Variants in GOLT1A observed in about 807,000 individuals in gnomAD.
GOLT1A encodes vesicle transport protein GOT1A.
GOLT1A carries 10 observed loss-of-function variants against 16.1 expected under a neutral mutation model. The ratio of observed to expected loss-of-function variants is 0.62; its 90% CI spans 0.38 to 1.05. The LOEUF (loss-of-function observed/expected upper bound fraction) is 1.05. Ranked by LOEUF, GOLT1A falls within the 50% of genes least tolerant of loss-of-function variation. GOLT1A has a pLI of 0.01. For synonymous variants in GOLT1A, 60 were observed against 67.9 expected (o/e 0.88, Z 0.57); for missense variants, 137 against 165.7 (o/e 0.83, Z 0.95).
At chr1:204,210,777 TTCTAGTCCATGCC>T (rs1464699993) in intron 1 of GOLT1A, among the ~76,000 whole-genome samples, 1 of 152,198 alleles carries the variant, frequency 6.6e-6, no homozygotes, top group Non-Finnish European at 1.5e-5. Flanking sequence ...ATGTCTCTCT[TTCTAGTCCATGCC>T]TCTCTTTGGG....
At position 204,198,491 on chromosome 1, in the gene GOLT1A, G is replaced by A. The variant is rs1557983984; in HGVS notation, c.366C>T (p.Phe122=). Residue 122 remains phenylalanine (F), a synonymous_variant, in exon 5 of 5, where the codon TTC becomes TTT. Transcript: ENST00000308302. ...TCGAGCTAGTGCCTTGAAGTCTCCG[G>A]AACAGCTGTGGGAGCCAAGAATCAT... The part of the protein sequence containing the change: ...VCNIPFLGAL[F]RRLQGTSSMV 6 of 1,613,132 alleles carry A rather than the reference G, an allele frequency of 3.7e-6. No homozygotes were observed. Among genetic ancestry groups the A allele is most frequent in the Non-Finnish European group, 5.1e-6 (6 of 1,179,672 alleles).
chr1:204,199,177 C>T lies in GOLT1A; in HGVS notation c.360+18G>A, dbSNP rs1323680529. ...TCCCCAGGGTACGCCCGCAGGGCTG[C>T]AGGCATCATCTGCTTACCGCACCCA... is the stretch of plus-strand genomic sequence containing the variant. On this transcript the variant is annotated intron_variant, in intron 4 of 4. Coordinates refer to ENST00000308302, the MANE Select transcript of GOLT1A (RefSeq NM_198447.2). 6.3e-7 allele frequency: 1 copy of T among 1,580,244 alleles called. No individual in the cohort carries two copies. Among genetic ancestry groups the T allele is most frequent in the Non-Finnish European group, 8.6e-7 (1 of 1,162,808 alleles).
intron 4 of GOLT1A, 126 bp from the exon 5 acceptor site, chr1:204,198,622 G>T (rs1658901436): frequency 3.7e-6 from 3 of 811,416 alleles, no homozygotes; most frequent in Non-Finnish European, 5.9e-6. Flanking sequence ...GGCTGTAGGG[G>T]CTGTGTCCAG....
At chr1:204,213,007 T>A (rs1296425194) in intron 1 of GOLT1A, among the ~76,000 whole-genome samples, 3 of 152,060 alleles carry the variant, frequency 2.0e-5, no homozygotes, top group African/African-American at 7.2e-5. Flanking sequence ...TTCCTATAGA[T>A]CTCTGAAAAA....
intron 2 of GOLT1A, 147 bp downstream of exon 2, chr1:204,202,749 A>G: frequency 1.5e-6 from 1 of 648,660 alleles, no homozygotes. Flanking sequence ...CTGGATAGGC[A>G]TGGTCTGAAT....
rs538188347 is a variant in GOLT1A at position 204,213,749 on chromosome 1, C to A, written c.25+133G>T. On this transcript the variant is annotated intron_variant, in intron 1 of 4. Coordinates refer to ENST00000308302, the MANE Select transcript of GOLT1A (RefSeq NM_198447.2). ...CCACCCTGCCTGCTGCCCCAGGGTG[C>A]CAGCACAGCATCTCCCAGCCCCTGG... 2.3e-5 allele frequency: 23 copies of A among 1,017,030 alleles called. No individual in the cohort carries two copies. The African/African-American group carries it at 2.7e-4, about 12-fold the overall frequency. The allele number at this position is 1,017,030 out of a possible 1,614,324, so 63.0% of individuals were successfully genotyped here.
chr1:204,199,705 G>A (rs1368205444), intron 3 of GOLT1A, among the ~76,000 whole-genome samples: 2 of 152,240 alleles, frequency 1.3e-5, no homozygotes, highest in East Asian at 3.9e-4. Context: ...CTGGGCCCTG[G>A]GCGTCGGGGG....
chr1:204,206,446 A>G lies in GOLT1A; in HGVS notation c.26-3459T>C, dbSNP rs559881528. ...TTTGTCAACATTTCCATCCTCAGAG[A>G]CAACACATTGAGAATCTAGAGTTAC... On this transcript the variant is annotated intron_variant, in intron 1 of 4. Transcript: ENST00000308302. Among the ~76,000 whole-genome samples, 7 of 152,394 alleles carry G rather than the reference A, an allele frequency of 4.6e-5. No homozygotes were observed. The East Asian group carries it at 1.2e-3, about 25-fold the overall frequency.
intron 1 of GOLT1A, 51 bp from the exon 2 acceptor site, chr1:204,203,038 G>A (rs747061785): frequency 1.3e-6 from 2 of 1,491,774 alleles, no homozygotes; most frequent in South Asian, 1.1e-5. Context: ...GAGCAGGTGG[G>A]GACCCTGAAA....
chr1:204,203,702 C>T (rs1235607160), intron 1 of GOLT1A, among the ~76,000 whole-genome samples: 4 of 152,064 alleles, frequency 2.6e-5, no homozygotes, highest in African/African-American at 9.7e-5. Flanking sequence ...TTGCGGGCCC[C>T]CCACACACTC....
At chr1:204,204,225 T>C (rs79425480) in intron 1 of GOLT1A, among the ~76,000 whole-genome samples, 5,854 of 152,218 alleles carry the variant, frequency 0.038, 335 homozygotes, top group African/African-American at 0.13. Context: ...AAATGTACAG[T>C]TCAGTGGTAT....
intron 1 of GOLT1A, among the ~76,000 whole-genome samples, chr1:204,210,435 G>A (rs1659121252): frequency 6.6e-6 from 1 of 151,814 alleles, no homozygotes; most frequent in African/African-American, 2.4e-5. Context: ...TTTTAATTTT[G>A]TCTTAAAGCT....
chr1:204,207,982 A>G (rs1216420713), intron 1 of GOLT1A, among the ~76,000 whole-genome samples: 1 of 152,238 alleles, frequency 6.6e-6, no homozygotes, highest in Admixed American at 6.5e-5. Context: ...AAGAATGGCC[A>G]TAATCAAAAA....
At chr1:204,213,127 C>A (rs138971910) in intron 1 of GOLT1A, among the ~76,000 whole-genome samples, 5 of 152,294 alleles carry the variant, frequency 3.3e-5, no homozygotes, top group Non-Finnish European at 7.4e-5. Flanking sequence ...TTATTTTCAT[C>A]TGGAGGACTT....
At chr1:204,200,548 G>A (rs183703040) in intron 3 of GOLT1A, among the ~76,000 whole-genome samples, 2 of 151,276 alleles carry the variant, frequency 1.3e-5, no homozygotes, top group Admixed American at 6.6e-5. Flanking sequence ...GTCTGTTCTC[G>A]AACTCCTGAC....
At chr1:204,210,222 G>A (rs1021573791) in intron 1 of GOLT1A, among the ~76,000 whole-genome samples, 6 of 152,180 alleles carry the variant, frequency 3.9e-5, no homozygotes, top group East Asian at 3.8e-4. Flanking sequence ...GACCACTGCC[G>A]TGTTGAAACA....
chr1:204,205,330 T>C (rs866552411), intron 1 of GOLT1A, among the ~76,000 whole-genome samples: 3 of 152,218 alleles, frequency 2.0e-5, no homozygotes, highest in South Asian at 2.1e-4. Flanking sequence ...TTTGAGTTAC[T>C]TTTTGCAGAT....
chr1:204,198,588 T>A, intron 4 of GOLT1A, 92 bp from the exon 5 acceptor site: 1 of 1,250,322 alleles, frequency 8.0e-7, no homozygotes, highest in Admixed American at 2.0e-5. Context: ...AGCCAGGAGC[T>A]GTGCCAGGCG....
At chr1:204,208,476 G>GTGTGTATATATATATATATA (rs1286299770) in intron 1 of GOLT1A, among the ~76,000 whole-genome samples, 1 of 39,938 alleles carries the variant, frequency 2.5e-5, no homozygotes, top group Non-Finnish European at 6.0e-5. Context: ...GTGTGTGTGT[G>GTGTGTATATATATATATATA]TATATATATA....
Sources: gnomAD v4.1 joint callset for allele counts (sites outside exome capture counted in the v4.1 genomes callset) on GRCh38, gnomAD v4.1.1 for gene constraint, MANE v1.5 for transcripts, NCBI Gene and HGNC (gene_info 2026-07-23, HGNC 2026-07-21) for gene names.